The following OXR1 variants were observed in gnomAD, a reference collection of about 807,000 sequenced individuals.
The protein encoded by OXR1 is oxidation resistance protein 1.
OXR1 carries 41 observed loss-of-function variants against 104.6 expected under a neutral mutation model. The ratio of observed to expected loss-of-function variants is 0.39; its 90% CI spans 0.31 to 0.51. OXR1 has a LOEUF of 0.51. OXR1 is among the 20% of genes least tolerant of loss of function. The pLI, the probability that OXR1 is intolerant of heterozygous loss-of-function variation, is 0.77. For synonymous variants in OXR1, 348 were observed against 348.4 expected (o/e 1.00, Z 0.01); for missense variants, 955 against 1,031.9 (o/e 0.93, Z 1.02).
intron 3 of OXR1, among the ~76,000 whole-genome samples, chr8:106,549,790 C>A (rs1379525643): frequency 2.0e-5 from 3 of 152,172 alleles, no homozygotes; most frequent in Non-Finnish European, 4.4e-5. Flanking sequence ...TTCATCATGG[C>A]TCTGCTCTCA....
chr8:106,339,586 A>T (rs1431452502), intron 1 of OXR1, among the ~76,000 whole-genome samples: 1 of 144,716 alleles, frequency 6.9e-6, no homozygotes, highest in Non-Finnish European at 1.5e-5. Context: ...ATAGATACTC[A>T]ATAATCATTA....
intron 1 of OXR1, among the ~76,000 whole-genome samples, chr8:106,358,077 TAAATGTTAGG>T (rs1450389034): frequency 6.6e-6 from 1 of 152,200 alleles, no homozygotes; most frequent in East Asian, 1.9e-4. Flanking sequence ...ATGTCATGTG[TAAATGTTAGG>T]AAGCATCCTT....
chr8:106,657,757 CT>C (rs1825261820), intron 3 of OXR1: 6 of 1,047,494 alleles, frequency 5.7e-6, no homozygotes, highest in Non-Finnish European at 7.3e-6. Flanking sequence ...ACAAGAAAAA[CT>C]TTTCGAAAAC....
intron 3 of OXR1, among the ~76,000 whole-genome samples, chr8:106,525,645 G>A (rs935036539): frequency 2.0e-5 from 3 of 152,086 alleles, no homozygotes; most frequent in African/African-American, 4.8e-5. Flanking sequence ...GCCTTTCCTC[G>A]GCAGGGCTCC....
At chr8:106,727,397 G>A (rs1046369733) in intron 11 of OXR1, among the ~76,000 whole-genome samples, 9 of 152,006 alleles carry the variant, frequency 5.9e-5, no homozygotes, top group South Asian at 4.2e-4. Flanking sequence ...CAGTCACCAC[G>A]TCCAAGGCCT....
chr8:106,298,569 T>C (rs1424406938), intron 1 of OXR1, among the ~76,000 whole-genome samples: 6 of 152,164 alleles, frequency 3.9e-5, no homozygotes, highest in African/African-American at 1.4e-4. Context: ...AATGCCGATG[T>C]TTTCTGCAGT....
At chr8:106,362,044 T>C (rs565427690) in intron 2 of OXR1, among the ~76,000 whole-genome samples, 201 of 152,234 alleles carry the variant, frequency 1.3e-3, no homozygotes, top group Middle Eastern at 3.4e-3. Flanking sequence ...CACCTGTCAA[T>C]AGAGGATCCA....
chr8:106,529,910 G>A (rs996199988), intron 3 of OXR1, among the ~76,000 whole-genome samples: 1 of 152,142 alleles, frequency 6.6e-6, no homozygotes, highest in Non-Finnish European at 1.5e-5. Context: ...CATTGTTCAT[G>A]GTTGAGAAAT....
chr8:106,313,931 T>A (rs73701110), intron 1 of OXR1, among the ~76,000 whole-genome samples: 3 of 152,328 alleles, frequency 2.0e-5, no homozygotes, highest in African/African-American at 7.2e-5. Context: ...TAAAGAAGAA[T>A]GTTTTTCTCA....
chr8:106,710,508 A>G (rs1831584297), intron 9 of OXR1, 114 bp from the exon 10 acceptor site: 2 of 571,020 alleles, frequency 3.5e-6, no homozygotes, highest in East Asian at 6.7e-5. Context: ...TAGCACCACT[A>G]AAGTGAGGTT....
At chr8:106,716,997 C>T (rs1304249127) in intron 11 of OXR1, among the ~76,000 whole-genome samples, 3 of 151,926 alleles carry the variant, frequency 2.0e-5, no homozygotes, top group Non-Finnish European at 4.4e-5. Flanking sequence ...ACCAGCCTGG[C>T]CAATATGGTA....
chr8:106,381,831 GAT>G (rs1817162378), intron 2 of OXR1, among the ~76,000 whole-genome samples: 2 of 152,090 alleles, frequency 1.3e-5, no homozygotes, highest in South Asian at 4.1e-4. Context: ...AAATTCTCCT[GAT>G]ATCCCTTATA....
At chr8:106,521,478 T>C (rs894715468) in intron 3 of OXR1, among the ~76,000 whole-genome samples, 12 of 151,182 alleles carry the variant, frequency 7.9e-5, no homozygotes, top group African/African-American at 2.9e-4. Flanking sequence ...TTTCTCTGAC[T>C]CTCAAAGGTT....
intron 1 of OXR1, among the ~76,000 whole-genome samples, chr8:106,341,454 T>A (rs1586545152): frequency 1.3e-5 from 2 of 151,684 alleles, no homozygotes; most frequent in South Asian, 4.1e-4. Flanking sequence ...TGTGATAGAA[T>A]ATATGTTAAT....
intron 2 of OXR1, among the ~76,000 whole-genome samples, chr8:106,402,315 C>T (rs1474026651): frequency 6.6e-6 from 1 of 152,148 alleles, no homozygotes; most frequent in African/African-American, 2.4e-5. Flanking sequence ...TGGAGTATTG[C>T]CATTGGTTTA....
Position 106,688,787 on chromosome 8 carries a change from A to C in OXR1, c.526-3941A>C, listed in dbSNP as rs574996838. Reference sequence around the variant, plus strand: ...TTAGTAAGTGGTAGAACTGAGACTGAAAACCTGGCAGTCAAGGTCTAGATT... The same window carrying C: ...TTAGTAAGTGGTAGAACTGAGACTGCAAACCTGGCAGTCAAGGTCTAGATT... On this transcript the variant is annotated intron_variant, in intron 6 of 16. Transcript: ENST00000517566. Among the ~76,000 whole-genome samples, 4 of 152,268 alleles carry C rather than the reference A, an allele frequency of 2.6e-5. No individual in the cohort carries two copies. In the East Asian group the frequency reaches 7.7e-4, roughly 29 times the overall value.
chr8:106,511,714 G>A (rs1303735021), intron 2 of OXR1, among the ~76,000 whole-genome samples: 2 of 152,196 alleles, frequency 1.3e-5, no homozygotes, highest in African/African-American at 4.8e-5. Flanking sequence ...AGGTAGAGCA[G>A]GCAGATATAG....
At chr8:106,456,968 GGCTAA>G (rs1224056660) in intron 2 of OXR1, among the ~76,000 whole-genome samples, 1 of 152,110 alleles carries the variant, frequency 6.6e-6, no homozygotes, top group Non-Finnish European at 1.5e-5. Flanking sequence ...TTAATTAAGT[GGCTAA>G]GCCATCTGAG....
At chr8:106,692,957 T>C (rs892382379) in intron 7 of OXR1, 80 bp downstream of exon 7, 1 of 1,012,108 alleles carries the variant, frequency 9.9e-7, no homozygotes, top group African/African-American at 1.6e-5. Flanking sequence ...ATTTACATTT[T>C]AAGTCATCAA....
Sources: gnomAD v4.1 joint callset for allele counts (sites outside exome capture counted in the v4.1 genomes callset) on GRCh38, gnomAD v4.1.1 for gene constraint, MANE v1.5 for transcripts, NCBI Gene and HGNC (gene_info 2026-07-23, HGNC 2026-07-21) for gene names.